The following ZNF398 variants were observed in gnomAD, a reference collection of about 807,000 sequenced individuals.
ZNF398 encodes zinc finger protein 398.
Under a neutral mutation model 41.9 loss-of-function variants are expected in ZNF398, and 18 were observed. The observed-to-expected ratio is 0.43, with a 90% CI of 0.30 to 0.64. The LOEUF (loss-of-function observed/expected upper bound fraction) is 0.64, where lower values mean the gene tolerates loss of function less well. ZNF398 is among the 30% of genes least tolerant of loss of function. The probability of loss-of-function intolerance (pLI) is 0.14; values close to 1 mark genes in which losing one functional copy is unlikely to be tolerated. For synonymous variants in ZNF398, 260 were observed against 308.8 expected (o/e 0.84, Z 1.66); for missense variants, 669 against 822.8 (o/e 0.81, Z 2.29).
chr7:149,180,715 G>A lies in ZNF398; in HGVS notation c.*914G>A, dbSNP rs1795570658. 1 of 152,206 alleles carries A rather than the reference G, an allele frequency of 6.6e-6. No individual in the cohort carries two copies. The highest frequency in any genetic ancestry group is 6.5e-5 in the Admixed American group (1 of 15,282). 9.4% of individuals were successfully genotyped at this position (152,206 alleles called of 1,614,324 possible). A position where few individuals can be genotyped will look rare whatever the true frequency, so the allele number is the denominator to read the frequency against. ...ATTCTTATCTTTTCCAAGCCAGTAA[G>A]TTGGCTTCTCCATTCCTGGTGTCTG... On this transcript the variant is annotated 3_prime_UTR_variant, in exon 6 of 6. Transcript: ENST00000475153.
At chr7:149,160,461 G>A (rs142502135) in intron 2 of ZNF398, among the ~76,000 whole-genome samples, 19 of 152,300 alleles carry the variant, frequency 1.2e-4, no homozygotes, top group African/African-American at 4.1e-4. Context: ...TAACCCCAGT[G>A]AGGCAGAATT....
At chr7:149,145,063 G>A (rs986406621), upstream of ZNF398, among the ~76,000 whole-genome samples, 1 of 151,832 alleles carries the variant, frequency 6.6e-6, no homozygotes, top group East Asian at 1.9e-4. Flanking sequence ...CCCAAATTAC[G>A]GACTGCATAT....
intron 1 of ZNF398, chr7:149,148,461 ATCGCAT>A: frequency 1.0e-6 from 1 of 985,524 alleles, no homozygotes; most frequent in Non-Finnish European, 1.2e-6. Flanking sequence ...GAAAGCACTG[ATCGCAT>A]TTGCCACCCA....
chr7:149,157,948 G>A (rs1010312143), intron 2 of ZNF398, among the ~76,000 whole-genome samples: 3 of 151,926 alleles, frequency 2.0e-5, no homozygotes, highest in Non-Finnish European at 4.4e-5. Context: ...GGTGGCAGGC[G>A]CCTGTAGTCC....
chr7:149,155,730 A>T (rs199600652), intron 2 of ZNF398, among the ~76,000 whole-genome samples: 1,015 of 91,520 alleles, frequency 0.011, 1 homozygote, highest in Non-Finnish European at 0.012. Flanking sequence ...TTTTTTTTTT[A>T]ATTTTTTTTT....
At chr7:149,169,189 A>G (rs1349871497) in intron 4 of ZNF398, among the ~76,000 whole-genome samples, 2 of 152,130 alleles carry the variant, frequency 1.3e-5, no homozygotes, top group African/African-American at 4.8e-5. Context: ...GGTTTTCAAG[A>G]TGCTCATGCC....
chr7:149,161,068 C>T (rs906795776), intron 2 of ZNF398, among the ~76,000 whole-genome samples: 31 of 152,164 alleles, frequency 2.0e-4, no homozygotes, highest in African/African-American at 7.2e-4. Flanking sequence ...TTCCCCAGCG[C>T]CCCTTTGGCA....
chr7:149,145,358 G>A (rs1277767463), upstream of ZNF398, among the ~76,000 whole-genome samples: 1 of 152,092 alleles, frequency 6.6e-6, no homozygotes, highest in Admixed American at 6.6e-5. Context: ...TTATAATTAA[G>A]CATTAATCAG....
At chr7:149,131,313 A>G (rs1826590365) in intron 2 of ZNF398, among the ~76,000 whole-genome samples, 1 of 152,068 alleles carries the variant, frequency 6.6e-6, no homozygotes, top group East Asian at 1.9e-4. Context: ...CTCCTTGTCC[A>G]TTTTTCAATT....
intron 1 of ZNF398, chr7:149,128,796 ATTGT>A (rs1346620502): frequency 6.7e-6 from 1 of 149,452 alleles, no homozygotes; most frequent in Non-Finnish European, 1.5e-5. Flanking sequence ...ATATATATAT[ATTGT>A]TTGTTTGTTG....
chr7:149,179,225 C>T lies in ZNF398; in HGVS notation c.1353C>T (p.Ser451=), dbSNP rs75428468. 1,019 of 1,613,048 alleles carry T rather than the reference C, an allele frequency of 6.3e-4. 3 individuals are homozygous for T. Among genetic ancestry groups the T allele is most frequent in the African/African-American group, 2.3e-3 (175 of 74,884 alleles). ...CCAGCCACCGGAGAGCTCATGCAAG[C>T]GAAAGGCCCTTCCGCTGTGCCCAGT... ...RLTSHRRAHA[S]ERPFRCAQCG... The change falls in exon 6 of 6, where the codon AGC becomes AGT. Residue 451 remains serine (S), a synonymous_variant. Transcript: ENST00000475153. This position sits in a 1 kb window ranked among gnomAD's most constrained non-coding sequence, Gnocchi z 6.1.
chr7:149,128,851 G>C (rs945935430), exon 2 of ZNF398: 1 of 151,206 alleles, frequency 6.6e-6, no homozygotes, highest in African/African-American at 2.4e-5. Context: ...GCCTAGGCTG[G>C]AGTAGAGTGG....
At chr7:149,136,691 C>T (rs1000481840) in intron 2 of ZNF398, among the ~76,000 whole-genome samples, 2 of 151,990 alleles carry the variant, frequency 1.3e-5, no homozygotes, top group African/African-American at 4.8e-5. Flanking sequence ...TCTCAGCCTC[C>T]CATGTAGCTG....
At chr7:149,130,728 C>T (rs1441996653) in intron 2 of ZNF398, among the ~76,000 whole-genome samples, 1 of 152,124 alleles carries the variant, frequency 6.6e-6, no homozygotes, top group Non-Finnish European at 1.5e-5. Flanking sequence ...CTGTTTGTGG[C>T]TCAGAAAGCC....
At chr7:149,147,200 T>G (rs923992904), upstream of ZNF398, 4 of 152,122 alleles carry the variant, frequency 2.6e-5, no homozygotes, top group African/African-American at 7.2e-5. The surrounding 1 kb of genome is among the most constrained non-coding windows in gnomAD (Gnocchi z 5.6). Flanking sequence ...AGAAAATCAC[T>G]CCCCAGAATG....
Position 149,147,860 on chromosome 7 carries a change from C to A in ZNF398, c.24+94C>A. ...GCAGGGAGCTGCCAGGCATAGGCGCCGTTCTCGGGTCCCGCCGGCCACGTC... is the reference window on the plus strand; with the variant it reads ...GCAGGGAGCTGCCAGGCATAGGCGCAGTTCTCGGGTCCCGCCGGCCACGTC... On this transcript the variant is annotated intron_variant, in intron 1 of 5. Transcript: ENST00000475153. This position sits in a 1 kb window ranked among gnomAD's most constrained non-coding sequence, Gnocchi z 5.6. The A allele has an allele frequency of 1.6e-6, 2 of 1,282,336 alleles. No individual in the cohort carries two copies. Among genetic ancestry groups the A allele is most frequent in the Non-Finnish European group, 2.0e-6 (2 of 1,003,184 alleles). The allele number at this position is 1,282,336 out of a possible 1,614,324, so 79.4% of individuals were successfully genotyped here.
At chr7:149,162,283 G>A (rs910820962) in intron 2 of ZNF398, among the ~76,000 whole-genome samples, 11 of 152,088 alleles carry the variant, frequency 7.2e-5, no homozygotes, top group Non-Finnish European at 8.8e-5. Context: ...CTGGGTTCAC[G>A]CCATTCTCCT....
rs1585546724 is a variant in ZNF398, at chr7:149,179,641, A to C, written c.1769A>C (p.His590Pro). 1 of 1,614,238 alleles carries C rather than the reference A, an allele frequency of 6.2e-7. No homozygotes were observed. Among genetic ancestry groups the C allele is most frequent in the East Asian group, 2.2e-5 (1 of 44,886 alleles). ...QTLKDHLRSG[H>P]NGGCGGDSDP... ...CTCAAGGACCACCTCCGTTCAGGCC[A>C]CAATGGAGGCTGTGGGGGTGATAGT... Residue 590 changes from histidine (H) to proline (P), a missense_variant, in exon 6 of 6, where the codon CAC becomes CCC. Around this residue, in one of 3 missense-constraint regions of ZNF398, gnomAD observed 210 missense variants for 290.4 expected, o/e 0.72. Transcript: ENST00000475153. The surrounding 1 kb of genome is among the most constrained non-coding windows in gnomAD (Gnocchi z 6.1).
At chr7:149,174,925 C>A (rs774044629) in intron 4 of ZNF398, among the ~76,000 whole-genome samples, 8 of 152,144 alleles carry the variant, frequency 5.3e-5, no homozygotes, top group African/African-American at 1.9e-4. Flanking sequence ...GTCTTTCCCC[C>A]CCTCTGCCTT....
Sources: gnomAD v4.1 joint callset for allele counts (sites outside exome capture counted in the v4.1 genomes callset) on GRCh38, gnomAD v4.1.1 for gene constraint, gnomAD v4.1.1 regional missense constraint, Gnocchi (gnomAD v3.1) non-coding constraint, MANE v1.5 for transcripts, NCBI Gene and HGNC (gene_info 2026-07-23, HGNC 2026-07-21) for gene names.